Variants in RIMS2 observed in about 807,000 individuals in gnomAD.
RIMS2 encodes the protein regulating synaptic membrane exocytosis protein 2.
RIMS2 carries 59 observed loss-of-function variants against 174.4 expected under a neutral mutation model. The ratio of observed to expected loss-of-function variants is 0.34; its 90% CI spans 0.27 to 0.42. The LOEUF (loss-of-function observed/expected upper bound fraction) is 0.42, where lower values mean the gene tolerates loss of function less well. Ranked by LOEUF, RIMS2 falls within the 10% of genes least tolerant of loss-of-function variation. The pLI, the probability that RIMS2 is intolerant of heterozygous loss-of-function variation, is 1.00. For missense variants in RIMS2, 1,620 were observed against 1,666.3 expected, an observed-to-expected ratio of 0.97 and a Z score of 0.48; for synonymous variants, 606 against 572.5, an observed-to-expected ratio of 1.06 and a Z score of -0.84.
chr8:104,125,945 G>A (rs1269970094), intron 19 of RIMS2, among the ~76,000 whole-genome samples: 1 of 152,258 alleles, frequency 6.6e-6, no homozygotes, highest in East Asian at 1.9e-4. Context: ...TATGAGAAGT[G>A]AAGTTGTAAT....
At chr8:104,008,009 T>C (rs546046695) in intron 17 of RIMS2, among the ~76,000 whole-genome samples, 3 of 152,250 alleles carry the variant, frequency 2.0e-5, no homozygotes, top group South Asian at 2.1e-4. Context: ...TTGTTCAAAA[T>C]TGATCAGTGA....
intron 17 of RIMS2, among the ~76,000 whole-genome samples, chr8:104,012,812 A>G (rs1354413561): frequency 6.6e-6 from 1 of 152,182 alleles, no homozygotes; most frequent in South Asian, 2.1e-4. Context: ...ATTTCAATTA[A>G]TACCCACTCT....
chr8:103,805,220 A>G (rs2098642370), intron 3 of RIMS2, among the ~76,000 whole-genome samples: 1 of 152,106 alleles, frequency 6.6e-6, no homozygotes, highest in South Asian at 2.1e-4. Context: ...GACCTTTTTT[A>G]TCCCTAGGAA....
chr8:103,921,721 T>A, exon 10 of RIMS2: 1 of 1,581,054 alleles, frequency 6.3e-7, no homozygotes, highest in Non-Finnish European at 8.7e-7. Context: ...CTATTTCTGT[T>A]ACCTCTCCCA....
chr8:103,512,770 G>A (rs1264858713), intron 1 of RIMS2, among the ~76,000 whole-genome samples: 2 of 151,962 alleles, frequency 1.3e-5, no homozygotes, highest in South Asian at 4.1e-4. Flanking sequence ...TGTAGTTCCC[G>A]CTTTACAATT....
At chr8:103,700,835 A>G (rs766168585) in intron 2 of RIMS2, among the ~76,000 whole-genome samples, 1 of 151,972 alleles carries the variant, frequency 6.6e-6, no homozygotes, top group South Asian at 2.1e-4. Flanking sequence ...TACATATTTA[A>G]ATTATTGTTG....
chr8:103,593,903 A>G (rs888717474), intron 1 of RIMS2, among the ~76,000 whole-genome samples: 1 of 151,450 alleles, frequency 6.6e-6, no homozygotes, highest in African/African-American at 2.4e-5. Context: ...GCACATTGAG[A>G]TCCTCAATAA....
intron 1 of RIMS2, among the ~76,000 whole-genome samples, chr8:103,511,954 C>T (rs1412384609): frequency 2.0e-5 from 3 of 152,118 alleles, no homozygotes; most frequent in African/African-American, 7.2e-5. Flanking sequence ...ACTGAGCTGT[C>T]TCAGGCTGTG....
intron 1 of RIMS2, among the ~76,000 whole-genome samples, chr8:103,662,172 C>A (rs1285587138): frequency 1.3e-5 from 2 of 152,132 alleles, no homozygotes; most frequent in Non-Finnish European, 2.9e-5. Context: ...TCAAGGCTGT[C>A]CTGGGCCTCA....
chr8:103,506,584 G>C (rs1563567431), intron 1 of RIMS2, among the ~76,000 whole-genome samples: 1 of 151,776 alleles, frequency 6.6e-6, no homozygotes, highest in Non-Finnish European at 1.5e-5. Context: ...GATTGTTATA[G>C]ACTAAGTATC....
intron 19 of RIMS2, chr8:104,094,339 C>A (rs1257213755): frequency 7.5e-6 from 4 of 531,322 alleles, no homozygotes; most frequent in Non-Finnish European, 1.3e-5. Context: ...AGTAAGTTTT[C>A]AACATTTAAA....
At chr8:104,059,766 G>C (rs1011009303) in intron 19 of RIMS2, among the ~76,000 whole-genome samples, 1 of 151,890 alleles carries the variant, frequency 6.6e-6, no homozygotes, top group Non-Finnish European at 1.5e-5. Flanking sequence ...TTTATTGAGA[G>C]TTTTTAGCAT....
chr8:103,701,465 T>C (rs988773195), intron 2 of RIMS2, among the ~76,000 whole-genome samples: 1 of 152,126 alleles, frequency 6.6e-6, no homozygotes, highest in African/African-American at 2.4e-5. Context: ...TTTTGAAATA[T>C]ACAGTGAATT....
At chr8:103,716,761 T>C (rs1375813901) in intron 2 of RIMS2, among the ~76,000 whole-genome samples, 1 of 152,158 alleles carries the variant, frequency 6.6e-6, no homozygotes, top group African/African-American at 2.4e-5. Context: ...TTTTCTGAAG[T>C]ATATATTTGG....
intron 1 of RIMS2, among the ~76,000 whole-genome samples, chr8:103,641,853 G>A (rs2096238775): frequency 6.6e-6 from 1 of 152,060 alleles, no homozygotes; most frequent in Non-Finnish European, 1.5e-5. Context: ...CTCATCTGAT[G>A]CAGATGCTGT....
chr8:104,051,742 C>T (rs2096790674), intron 19 of RIMS2, among the ~76,000 whole-genome samples: 1 of 152,138 alleles, frequency 6.6e-6, no homozygotes, highest in South Asian at 2.1e-4. Context: ...AAGGGCACGT[C>T]AATCTCTGCC....
intron 3 of RIMS2, among the ~76,000 whole-genome samples, chr8:103,775,030 T>C (rs2098297342): frequency 6.6e-6 from 1 of 152,190 alleles, no homozygotes; most frequent in Non-Finnish European, 1.5e-5. Flanking sequence ...CAATTTTCTT[T>C]ATAATCAATG....
intron 3 of RIMS2, among the ~76,000 whole-genome samples, chr8:103,860,790 T>G (rs902955418): frequency 1.6e-4 from 2 of 12,276 alleles, no homozygotes; most frequent in Non-Finnish European, 3.9e-4. Context: ...AAAATAATGT[T>G]TTTTTTTTCC....
At chr8:104,011,501 G>A (rs1282522292) in intron 17 of RIMS2, among the ~76,000 whole-genome samples, 1 of 151,810 alleles carries the variant, frequency 6.6e-6, no homozygotes, top group Non-Finnish European at 1.5e-5. Flanking sequence ...ATAAATAATG[G>A]TCTCCTTTTG....
Sources: allele counts gnomAD v4.1 joint callset (sites outside exome capture counted in the v4.1 genomes callset), GRCh38; gene constraint gnomAD v4.1.1; transcripts MANE v1.5; gene names NCBI Gene and HGNC (gene_info 2026-07-23, HGNC 2026-07-21).